The following KCNC2 variants were observed in gnomAD, a reference collection of about 807,000 sequenced individuals.
KCNC2 encodes the protein potassium voltage-gated channel subfamily C member 2.
In KCNC2, 21 loss-of-function variants were observed where a neutral mutation model predicts 44.5. The observed-to-expected ratio is 0.47, with a 90% CI of 0.33 to 0.68. The LOEUF is 0.68. Ranked by LOEUF, KCNC2 falls within the 30% of genes least tolerant of loss-of-function variation. The pLI, the probability that KCNC2 is intolerant of heterozygous loss-of-function variation, is 0.01. For missense variants in KCNC2, 589 were observed against 826.2 expected, an observed-to-expected ratio of 0.71 and a Z score of 3.52; for synonymous variants, 391 against 339.1, an observed-to-expected ratio of 1.15 and a Z score of -1.68.
intron 2 of KCNC2, among the ~76,000 whole-genome samples, chr12:75,164,841 G>T (rs1325309150): frequency 2.0e-5 from 3 of 151,516 alleles, no homozygotes; most frequent in Non-Finnish European, 4.4e-5. Flanking sequence ...ATTCAAAATA[G>T]AATTAAAATT....
At chr12:75,194,517 AG>A (rs1241244789) in intron 2 of KCNC2, among the ~76,000 whole-genome samples, 13 of 152,200 alleles carry the variant, frequency 8.5e-5, no homozygotes, top group Non-Finnish European at 1.3e-4. Flanking sequence ...ACCCCTTTGA[AG>A]TCATTTGGTT....
chr12:75,140,511 T>A (rs113110736), intron 2 of KCNC2, among the ~76,000 whole-genome samples: 7 of 152,300 alleles, frequency 4.6e-5, no homozygotes, highest in African/African-American at 1.7e-4. Flanking sequence ...GATCAATGTC[T>A]TCCCTCCCTC....
At chr12:75,104,312 C>T (rs1886607051) in intron 2 of KCNC2, among the ~76,000 whole-genome samples, 2 of 152,106 alleles carry the variant, frequency 1.3e-5, no homozygotes, top group Non-Finnish European at 2.9e-5. Flanking sequence ...TAGAATGGAG[C>T]AGGATGGAGC....
At chr12:75,203,674 G>T (rs775004260) in intron 2 of KCNC2, among the ~76,000 whole-genome samples, 12 of 151,786 alleles carry the variant, frequency 7.9e-5, no homozygotes, top group Non-Finnish European at 1.6e-4. Context: ...TCAAAGATAT[G>T]CATAAATCAC....
intron 2 of KCNC2, chr12:75,140,145 C>T (rs1458098693): frequency 6.6e-6 from 1 of 152,214 alleles, no homozygotes; most frequent in Non-Finnish European, 1.5e-5. Context: ...AGTGTTCTCA[C>T]TTACATGTCT....
chr12:75,192,913 C>T (rs1348636488), intron 2 of KCNC2, among the ~76,000 whole-genome samples: 2 of 152,008 alleles, frequency 1.3e-5, no homozygotes, highest in East Asian at 1.9e-4. Context: ...ATATTTTAAG[C>T]ATTTTCACCA....
At chr12:75,043,765 T>A (rs1880179450) in intron 4 of KCNC2, 1 of 1,512,214 alleles carries the variant, frequency 6.6e-7, no homozygotes, top group South Asian at 1.2e-5. Flanking sequence ...ATAATGGCAT[T>A]TGGTGCCATT....
intron 2 of KCNC2, among the ~76,000 whole-genome samples, chr12:75,154,124 T>C (rs551645927): frequency 3.3e-5 from 5 of 151,972 alleles, no homozygotes; most frequent in African/African-American, 1.2e-4. Flanking sequence ...AAAAAAGAAA[T>C]ATATTTCTAT....
chr12:75,069,127 A>ATTTTTTTTTT (rs1231157819), intron 2 of KCNC2, among the ~76,000 whole-genome samples: 62 of 33,812 alleles, frequency 1.8e-3, no homozygotes, highest in Non-Finnish European at 2.8e-3. Flanking sequence ...ATTTTATATA[A>ATTTTTTTTTT]TCTTTTTTTT....
chr12:75,132,333 A>G (rs1387437656), intron 2 of KCNC2, among the ~76,000 whole-genome samples: 2 of 152,178 alleles, frequency 1.3e-5, no homozygotes, highest in Admixed American at 6.5e-5. Flanking sequence ...GTATTTTGCA[A>G]TGTACCAAAA....
chr12:75,173,045 A>G (rs1239900825), intron 2 of KCNC2, among the ~76,000 whole-genome samples: 2 of 151,944 alleles, frequency 1.3e-5, no homozygotes, highest in Admixed American at 6.6e-5. Context: ...TATAATTACT[A>G]TTATATACCC....
intron 2 of KCNC2, among the ~76,000 whole-genome samples, chr12:75,138,296 T>C (rs1008254111): frequency 4.6e-5 from 7 of 152,210 alleles, no homozygotes; most frequent in Non-Finnish European, 1.5e-5. Flanking sequence ...TTGTTCTCAC[T>C]TTCTTAATCA....
intron 2 of KCNC2, among the ~76,000 whole-genome samples, chr12:75,196,755 G>A (rs536302933): frequency 2.0e-5 from 3 of 152,032 alleles, no homozygotes; most frequent in Non-Finnish European, 4.4e-5. Flanking sequence ...TCAGAAGTCA[G>A]CCAGTTAGTT....
At chr12:75,060,654 A>G (rs1217169052) in intron 2 of KCNC2, among the ~76,000 whole-genome samples, 1 of 151,786 alleles carries the variant, frequency 6.6e-6, no homozygotes, top group Non-Finnish European at 1.5e-5. Flanking sequence ...TTTTTTAAAT[A>G]GAGATGGGAT....
intron 2 of KCNC2, among the ~76,000 whole-genome samples, chr12:75,072,442 T>A (rs758704181): frequency 6.6e-6 from 1 of 152,162 alleles, no homozygotes; most frequent in Non-Finnish European, 1.5e-5. Context: ...TTTAAAAAAA[T>A]TATACTTTAG....
intron 2 of KCNC2, among the ~76,000 whole-genome samples, chr12:75,202,145 C>G (rs950048606): frequency 2.8e-4 from 42 of 151,822 alleles, no homozygotes; most frequent in African/African-American, 8.9e-4. Context: ...AAAAAACTTT[C>G]CTTGTCTTTT....
chr12:75,117,662 C>T (rs970186617), intron 2 of KCNC2, among the ~76,000 whole-genome samples: 6 of 151,866 alleles, frequency 4.0e-5, no homozygotes, highest in African/African-American at 1.5e-4. Context: ...GTGGAGAGGG[C>T]AATAGTTAAA....
intron 2 of KCNC2, among the ~76,000 whole-genome samples, chr12:75,168,284 A>T (rs1412109918): frequency 6.6e-6 from 1 of 151,434 alleles, no homozygotes; most frequent in Non-Finnish European, 1.5e-5. Flanking sequence ...TAAAAATATA[A>T]CAATAAGGAA....
At chr12:75,186,562 A>T (rs1033863167) in intron 2 of KCNC2, among the ~76,000 whole-genome samples, 2 of 152,246 alleles carry the variant, frequency 1.3e-5, no homozygotes, top group African/African-American at 2.4e-5. Flanking sequence ...TGAAACAATT[A>T]TTCAAGGGAC....
Sources: gnomAD v4.1 joint callset for allele counts (sites outside exome capture counted in the v4.1 genomes callset) on GRCh38, gnomAD v4.1.1 for gene constraint, MANE v1.5 for transcripts, NCBI Gene and HGNC (gene_info 2026-07-23, HGNC 2026-07-21) for gene names.